Variants in CAST observed in about 807,000 individuals in gnomAD.
The protein encoded by CAST is calpastatin.
CAST carries 76 observed loss-of-function variants against 119.6 expected under a neutral mutation model. That is an observed-to-expected ratio of 0.64 (90% CI 0.53 to 0.77). The LOEUF (loss-of-function observed/expected upper bound fraction) is 0.77, where lower values mean the gene tolerates loss of function less well. Ranked by LOEUF, CAST falls within the 30% of genes least tolerant of loss-of-function variation. CAST has a pLI of 0.00. For missense variants in CAST, 953 were observed against 946.5 expected (o/e 1.01, Z -0.09); for synonymous variants, 319 against 331.6 (o/e 0.96, Z 0.41).
chr5:96,277,049 T>A, the CAST span, among the ~76,000 whole-genome samples: 128 of 152,370 alleles, frequency 8.4e-4, 1 homozygote, highest in African/African-American at 2.9e-3. Flanking sequence ...AGTATTCCAT[T>A]GTATAAATAA....
At chr5:96,734,696 G>A (rs889880275) in intron 9 of CAST, among the ~76,000 whole-genome samples, 1 of 152,124 alleles carries the variant, frequency 6.6e-6, no homozygotes, top group African/African-American at 2.4e-5. Context: ...CTGAGAATGA[G>A]TGCCTTTTTA....
chr5:96,334,050 C>T, the CAST span, among the ~76,000 whole-genome samples: 1 of 152,140 alleles, frequency 6.6e-6, no homozygotes, highest in Non-Finnish European at 1.5e-5. Flanking sequence ...AGCAAACTTG[C>T]TACCTACTTT....
chr5:96,737,980 C>T (rs1256464906), intron 11 of CAST, 33 bp downstream of exon 11: 1 of 1,245,100 alleles, frequency 8.0e-7, no homozygotes. Context: ...AAAATTCATA[C>T]TCAGTGGGTA....
At chr5:96,291,654 T>C in the CAST span, among the ~76,000 whole-genome samples, 2 of 151,948 alleles carry the variant, frequency 1.3e-5, no homozygotes, top group African/African-American at 2.4e-5. Context: ...CTCAGGAAAA[T>C]TGTTGCTATT....
chr5:96,293,566 G>A, the CAST span, among the ~76,000 whole-genome samples: 2 of 151,660 alleles, frequency 1.3e-5, no homozygotes, highest in African/African-American at 2.4e-5. Flanking sequence ...ATGAGCCACC[G>A]CGCCTGGCCT....
At chr5:96,361,997 C>A in the CAST span, among the ~76,000 whole-genome samples, 1 of 151,910 alleles carries the variant, frequency 6.6e-6, no homozygotes, top group African/African-American at 2.4e-5. Flanking sequence ...CCACACCCCA[C>A]GACAGGCCCC....
chr5:96,417,422 T>G, the CAST span, among the ~76,000 whole-genome samples: 1 of 152,046 alleles, frequency 6.6e-6, no homozygotes, highest in Non-Finnish European at 1.5e-5. Flanking sequence ...CTCCTGACTT[T>G]TTGTGATTTT....
chr5:96,035,555 AG>A, the CAST span, among the ~76,000 whole-genome samples: 2 of 152,036 alleles, frequency 1.3e-5, no homozygotes, highest in Non-Finnish European at 2.9e-5. Context: ...AGGGAAGTCT[AG>A]AAAATACTAC....
At chr5:96,192,179 T>A in the CAST span, among the ~76,000 whole-genome samples, 4 of 152,150 alleles carry the variant, frequency 2.6e-5, no homozygotes, top group African/African-American at 4.8e-5. Flanking sequence ...CAAAAACCAC[T>A]AGAGACAGCA....
upstream of CAST, among the ~76,000 whole-genome samples, chr5:96,661,419 GAAA>G (rs34922511): frequency 0.2 from 17,625 of 87,538 alleles, 1,109 homozygotes; most frequent in Admixed American, 0.22. Context: ...TGCCTCTCCA[GAAA>G]AAAAAAAAAA....
intron 16 of CAST, among the ~76,000 whole-genome samples, chr5:96,743,026 G>A (rs1309119299): frequency 6.6e-6 from 1 of 152,200 alleles, no homozygotes; most frequent in Non-Finnish European, 1.5e-5. Context: ...AGGTAACAAG[G>A]AGGCAATGCC....
At chr5:96,353,826 C>G in the CAST span, among the ~76,000 whole-genome samples, 2 of 151,780 alleles carry the variant, frequency 1.3e-5, no homozygotes, top group Non-Finnish European at 2.9e-5. Context: ...TCATCTCAAC[C>G]TCCATAATTG....
chr5:96,470,265 A>G, the CAST span, among the ~76,000 whole-genome samples: 1 of 151,896 alleles, frequency 6.6e-6, no homozygotes, highest in African/African-American at 2.4e-5. Context: ...TATTGAAACC[A>G]CAGTTATATG....
At chr5:96,453,588 T>A in the CAST span, among the ~76,000 whole-genome samples, 1 of 152,168 alleles carries the variant, frequency 6.6e-6, no homozygotes, top group Non-Finnish European at 1.5e-5. Flanking sequence ...ATAGAAGAGA[T>A]CCAGTGTGGT....
the CAST span, among the ~76,000 whole-genome samples, chr5:96,033,730 A>G: frequency 1.3e-5 from 2 of 152,178 alleles, no homozygotes; most frequent in Admixed American, 1.3e-4. Flanking sequence ...GCTCCATGAC[A>G]TTGGTCTGTG....
chr5:96,436,888 G>GTGTGCTA, the CAST span, among the ~76,000 whole-genome samples: 1 of 152,196 alleles, frequency 6.6e-6, no homozygotes, highest in African/African-American at 2.4e-5. Context: ...ATTTTGGTGG[G>GTGTGCTA]TGTGCTATGC....
the CAST span, among the ~76,000 whole-genome samples, chr5:96,338,220 T>C: frequency 6.6e-6 from 1 of 152,242 alleles, no homozygotes; most frequent in African/African-American, 2.4e-5. Context: ...TTATTCTGCT[T>C]TCATATTTCA....
At chr5:96,552,420 T>A (rs1224398884) in intron 1 of CAST, among the ~76,000 whole-genome samples, 1 of 152,138 alleles carries the variant, frequency 6.6e-6, no homozygotes, top group Non-Finnish European at 1.5e-5. Context: ...TTGAAAGCAG[T>A]GTGTAGAGGG....
intron 1 of CAST, chr5:96,546,357 T>G (rs1419614216): frequency 6.6e-6 from 1 of 152,206 alleles, no homozygotes; most frequent in African/African-American, 2.4e-5. Context: ...AGCCTGGTCT[T>G]TTATATTTTA....
Sources: gnomAD v4.1 joint callset for allele counts (sites outside exome capture counted in the v4.1 genomes callset) on GRCh38, gnomAD v4.1.1 for gene constraint, MANE v1.5 for transcripts, NCBI Gene and HGNC (gene_info 2026-07-23, HGNC 2026-07-21) for gene names.